The following PLEKHH2 variants were observed in gnomAD, a reference collection of about 807,000 sequenced individuals.
PLEKHH2 encodes pleckstrin homology, MyTH4 and FERM domain containing H2, also known as pleckstrin homology domain-containing family H member 2.
Under a neutral mutation model 187.9 loss-of-function variants are expected in PLEKHH2, and 129 were observed. That is an observed-to-expected ratio of 0.69 (90% CI 0.59 to 0.79). The LOEUF (loss-of-function observed/expected upper bound fraction) is 0.79, where lower values mean the gene tolerates loss of function less well. Among genes scored for constraint, PLEKHH2 ranks in the 30% least tolerant of loss-of-function variants. The pLI is 0.00. For synonymous variants in PLEKHH2, 686 were observed against 605.6 expected, an observed-to-expected ratio of 1.13 and a Z score of -1.95; for missense variants, 2,076 against 1,751.2, an observed-to-expected ratio of 1.19 and a Z score of -3.31.
chr2:43,703,542 T>G (rs547424289), intron 8 of PLEKHH2, among the ~76,000 whole-genome samples: 1 of 152,318 alleles, frequency 6.6e-6, no homozygotes, highest in Admixed American at 6.5e-5. Context: ...AATAGTAGAA[T>G]ATTAAAAGTG....
chr2:43,760,955 CAT>C (rs761379456), intron 27 of PLEKHH2, among the ~76,000 whole-genome samples: 4 of 152,186 alleles, frequency 2.6e-5, no homozygotes, highest in Admixed American at 6.5e-5. Flanking sequence ...CATGTTGTAA[CAT>C]GTGTCAAAAT....
chr2:43,765,298 A>T, intron 29 of PLEKHH2, 115 bp from the exon 30 acceptor site: 1 of 931,874 alleles, frequency 1.1e-6, no homozygotes, highest in Non-Finnish European at 1.6e-6. Context: ...AGAGAAGGGA[A>T]TTCTGGTAGC....
chr2:43,703,916 CTTTT>C (rs10530805), intron 8 of PLEKHH2, 61 bp from the exon 9 acceptor site: 4,089 of 385,782 alleles, frequency 0.011, 2 homozygotes, highest in African/African-American at 0.013. Context: ...TGAAAGTAGT[CTTTT>C]TTTTTTTTTT....
At chr2:43,687,046 A>T (rs991250766) in intron 3 of PLEKHH2, among the ~76,000 whole-genome samples, 4 of 152,238 alleles carry the variant, frequency 2.6e-5, no homozygotes, top group East Asian at 3.9e-4. Flanking sequence ...GGTTTGCTAC[A>T]TGGTTATATT....
At chr2:43,707,378 G>T in intron 10 of PLEKHH2, 23 bp from the exon 11 acceptor site, 1 of 1,613,680 alleles carries the variant, frequency 6.2e-7, no homozygotes, top group South Asian at 1.1e-5. Flanking sequence ...TGGATACAGG[G>T]AGGTTGTTCC....
chr2:43,725,500 G>A (rs971719425), intron 16 of PLEKHH2, among the ~76,000 whole-genome samples: 3 of 152,196 alleles, frequency 2.0e-5, no homozygotes, highest in Non-Finnish European at 2.9e-5. Flanking sequence ...GTTGTTAGAA[G>A]AGAAGTGATT....
At chr2:43,675,440 C>A in intron 2 of PLEKHH2, 2 of 1,611,666 alleles carry the variant, frequency 1.2e-6, no homozygotes, top group Non-Finnish European at 1.7e-6. Context: ...TGTCCAAATG[C>A]CCTGAGCCGG....
At chr2:43,732,581 C>T (rs1157939835) in intron 19 of PLEKHH2, among the ~76,000 whole-genome samples, 1 of 152,188 alleles carries the variant, frequency 6.6e-6, no homozygotes, top group African/African-American at 2.4e-5. Context: ...CATCTAAAAG[C>T]TTCAATTCGA....
At chr2:43,698,218 C>T (rs1669183023) in intron 7 of PLEKHH2, among the ~76,000 whole-genome samples, 2 of 151,660 alleles carry the variant, frequency 1.3e-5, no homozygotes, top group African/African-American at 4.9e-5. Context: ...TGCTTTCATG[C>T]CATTACTCGC....
intron 2 of PLEKHH2, among the ~76,000 whole-genome samples, chr2:43,659,104 A>G (rs112449511): frequency 6.6e-6 from 1 of 150,666 alleles, no homozygotes. Context: ...TCCTGAGTAG[A>G]TGGGAATACA....
At chr2:43,681,033 C>T in intron 3 of PLEKHH2, 1 of 1,281,242 alleles carries the variant, frequency 7.8e-7, no homozygotes, top group South Asian at 1.5e-5. Flanking sequence ...AGAATGCCAA[C>T]TGGAATTCCT....
At chr2:43,732,373 A>C (rs2104574285) in intron 19 of PLEKHH2, among the ~76,000 whole-genome samples, 1 of 152,244 alleles carries the variant, frequency 6.6e-6, no homozygotes, top group East Asian at 1.9e-4. Context: ...CAAAAAAAAA[A>C]AATTATCAAA....
At chr2:43,705,767 G>A (rs548940748) in intron 9 of PLEKHH2, among the ~76,000 whole-genome samples, 1 of 151,924 alleles carries the variant, frequency 6.6e-6, no homozygotes, top group African/African-American at 2.4e-5. Flanking sequence ...GATTACAGGT[G>A]TATGCCACCA....
intron 14 of PLEKHH2, chr2:43,711,707 C>T (rs918216813): frequency 4.2e-5 from 20 of 470,806 alleles, no homozygotes; most frequent in African/African-American, 4.1e-4. Flanking sequence ...CTGGCTAACA[C>T]GGTGAAACCC....
At position 43,637,327 on chromosome 2, in the gene PLEKHH2, C is replaced by G. The variant is rs368866678; in HGVS notation, c.-56C>G. 6.6e-6 allele frequency: 1 copy of G among 152,438 alleles called. No individual in the cohort carries two copies. The highest frequency in any genetic ancestry group is 2.1e-4 in the South Asian group (1 of 4,838). The allele number at this position is 152,438 out of a possible 1,614,324, so 9.4% of individuals were successfully genotyped here. A position where few individuals can be genotyped will look rare whatever the true frequency, so the allele number is the denominator to read the frequency against. On this transcript the variant is annotated 5_prime_UTR_variant, in exon 1 of 30. Coordinates refer to ENST00000282406, the MANE Select transcript of PLEKHH2 (RefSeq NM_172069.4). ...GAGTCCGGGGATCCCGGGGGCCAGTCGCGGCCGGGACATCGGGCGCTGCGG... is the reference window on the plus strand; with the variant it reads ...GAGTCCGGGGATCCCGGGGGCCAGTGGCGGCCGGGACATCGGGCGCTGCGG...
At chr2:43,677,784 G>A (rs1046236060) in intron 2 of PLEKHH2, among the ~76,000 whole-genome samples, 1 of 150,850 alleles carries the variant, frequency 6.6e-6, no homozygotes, top group Admixed American at 6.6e-5. Context: ...GCTGGGCAGA[G>A]GCGCCCCTCA....
intron 23 of PLEKHH2, 124 bp from the exon 24 acceptor site, chr2:43,745,742 A>C (rs1671752860): frequency 9.4e-6 from 6 of 638,638 alleles, no homozygotes; most frequent in Admixed American, 6.1e-5. Flanking sequence ...GGCTGAAAAC[A>C]AAAAGCTTGA....
rs751846120 is a variant in PLEKHH2 at position 43,700,396 on chromosome 2, C to T, written c.1438C>T (p.Arg480Ter). 12 of 1,613,974 alleles carry T rather than the reference C, an allele frequency of 7.4e-6. No individual in the cohort carries two copies. Among genetic ancestry groups the T allele is most frequent in the East Asian group, 4.5e-5 (2 of 44,880 alleles). The change falls in exon 8 of 30, where the codon CGA becomes TGA. Residue 480 changes from arginine to a stop codon, truncating the protein, a stop_gained. Transcript: ENST00000282406. LOFTEE classifies it high-confidence loss of function. Reference protein sequence around the residue: ...GTNRNAISMIRPLRPQETDLD... With the variant: ...GTNRNAISMI ...AAATAGAAACGCTATAAGCATGATA[C>T]GACCACTGAGACCTCAGGAAACTGA...
intron 19 of PLEKHH2, among the ~76,000 whole-genome samples, chr2:43,734,212 C>G (rs947325682): frequency 2.0e-5 from 3 of 152,162 alleles, no homozygotes; most frequent in Non-Finnish European, 4.4e-5. Context: ...TTGTTTTATT[C>G]TCCCATTTCC....
Sources: allele counts gnomAD v4.1 joint callset (sites outside exome capture counted in the v4.1 genomes callset), GRCh38; gene constraint gnomAD v4.1.1; transcripts MANE v1.5; gene names NCBI Gene and HGNC (gene_info 2026-07-23, HGNC 2026-07-21).